ANTXR1: variants seen among roughly 807,000 people sequenced by gnomAD.
The protein encoded by ANTXR1 is anthrax toxin receptor 1.
A neutral mutation model predicts 78.1 loss-of-function variants in ANTXR1; 19 were observed. The ratio of observed to expected loss-of-function variants is 0.24; its 90% CI spans 0.17 to 0.36. The LOEUF (loss-of-function observed/expected upper bound fraction) is 0.36, where lower values mean the gene tolerates loss of function less well. Ranked by LOEUF, ANTXR1 falls within the 10% of genes least tolerant of loss-of-function variation. The probability of loss-of-function intolerance (pLI) is 1.00; values close to 1 mark genes in which losing one functional copy is unlikely to be tolerated. For missense variants in ANTXR1, 518 were observed against 718.6 expected, an observed-to-expected ratio of 0.72 and a Z score of 3.19; for synonymous variants, 273 against 260.5, an observed-to-expected ratio of 1.05 and a Z score of -0.46.
At chr2:69,212,185 A>G (rs1426629487) in intron 17 of ANTXR1, among the ~76,000 whole-genome samples, 1 of 152,228 alleles carries the variant, frequency 6.6e-6, no homozygotes, top group Non-Finnish European at 1.5e-5. Flanking sequence ...GAGATAAAAG[A>G]GGAGAATCAC....
chr2:69,083,721 C>A (rs1670963409), intron 8 of ANTXR1, among the ~76,000 whole-genome samples: 1 of 152,200 alleles, frequency 6.6e-6, no homozygotes, highest in Admixed American at 6.5e-5. Context: ...AGAGGGCAGT[C>A]TGTGGCTCCG....
At chr2:69,224,446 G>T (rs1448384088) in intron 17 of ANTXR1, among the ~76,000 whole-genome samples, 1 of 152,190 alleles carries the variant, frequency 6.6e-6, no homozygotes, top group Non-Finnish European at 1.5e-5. Flanking sequence ...ATGTCCTGCT[G>T]CTGCTCTTCA....
At chr2:69,104,001 C>A (rs11693314) in intron 10 of ANTXR1, among the ~76,000 whole-genome samples, 1 of 148,960 alleles carries the variant, frequency 6.7e-6, no homozygotes, top group Non-Finnish European at 1.5e-5. Context: ...TACAATGGCA[C>A]GATCTCAGCT....
intron 14 of ANTXR1, among the ~76,000 whole-genome samples, chr2:69,176,171 T>TAAA (rs5831965): frequency 7.2e-6 from 1 of 139,292 alleles, no homozygotes; most frequent in East Asian, 2.0e-4. Context: ...TTTAATACTT[T>TAAA]AAAAAAAAAA....
chr2:69,173,766 G>A lies in ANTXR1; in HGVS notation c.1089+3477G>A, dbSNP rs1387612597. On this transcript the variant is annotated intron_variant, in intron 14 of 17. Coordinates refer to ENST00000303714, the MANE Select transcript of ANTXR1 (RefSeq NM_032208.3). Reference sequence around the variant, plus strand: ...TAGCAGGAAGCCCCATGACTGAATGGAAAGTGGGTTATGGCTTAGCCCCAA... The same window carrying A: ...TAGCAGGAAGCCCCATGACTGAATGAAAAGTGGGTTATGGCTTAGCCCCAA... Among the ~76,000 whole-genome samples, 24 of 152,182 alleles carry A rather than the reference G, an allele frequency of 1.6e-4. 1 individual carries two copies. Among genetic ancestry groups the A allele is most frequent in the Admixed American group, 1.6e-3 (24 of 15,280 alleles).
Position 69,183,746 on chromosome 2 carries a change from A to T in ANTXR1, c.1353+1086A>T, listed in dbSNP as rs377103658. On this transcript the variant is annotated intron_variant, in intron 16 of 17. Coordinates refer to ENST00000303714, the MANE Select transcript of ANTXR1 (RefSeq NM_032208.3). ...CCTCTTTTCTATTCTTCTTGGTCCA[A>T]ATGGCTTTGAATTCACATGATTCAG... 1.4e-4 allele frequency among the ~76,000 whole-genome samples: 21 copies of T among 151,924 alleles called. 1 individual carries two copies. Among genetic ancestry groups the T allele is most frequent in the African/African-American group, 4.8e-4 (20 of 41,436 alleles).
At chr2:69,229,353 T>C (rs1025307637) in intron 17 of ANTXR1, among the ~76,000 whole-genome samples, 4 of 152,212 alleles carry the variant, frequency 2.6e-5, no homozygotes, top group African/African-American at 9.6e-5. Flanking sequence ...CATTCCTCGA[T>C]TGGTGCAAAA....
At position 69,248,141 on chromosome 2, in the gene ANTXR1, CAT is replaced by C. The variant is rs58786516; in HGVS notation, c.*2657_*2658del. On this transcript the variant is annotated 3_prime_UTR_variant, in exon 18 of 18. Coordinates refer to ENST00000303714, the MANE Select transcript of ANTXR1 (RefSeq NM_032208.3). The stretch of plus-strand genomic sequence containing the variant: ...GTCATTCCCTGTAAAAGGCAGGAGA[CAT>C]GTGATTATGATCAGGAAACTGCACA... 16,114 of 166,964 alleles carry C rather than the reference CAT, an allele frequency of 0.097. 997 individuals are homozygous for C. Among genetic ancestry groups the C allele is most frequent in the Non-Finnish European group, 0.14 (9,517 of 68,072 alleles). 10.3% of individuals were successfully genotyped at this position (166,964 alleles called of 1,614,324 possible).
intron 14 of ANTXR1, among the ~76,000 whole-genome samples, chr2:69,173,915 A>C (rs763056547): frequency 6.6e-6 from 1 of 152,140 alleles, no homozygotes. Flanking sequence ...AACACCTGCC[A>C]TTTTCTTCCT....
chr2:69,082,014 G>A (rs759196436), intron 8 of ANTXR1, among the ~76,000 whole-genome samples: 12 of 152,216 alleles, frequency 7.9e-5, no homozygotes, highest in Non-Finnish European at 1.3e-4. Context: ...TAATGCCCAC[G>A]ATGTGAATGC....
intron 3 of ANTXR1, among the ~76,000 whole-genome samples, chr2:69,058,876 G>A (rs1403015164): frequency 6.6e-6 from 1 of 152,208 alleles, no homozygotes; most frequent in Non-Finnish European, 1.5e-5. Flanking sequence ...CAACTTAGAA[G>A]AAGTTGATTC....
At chr2:69,221,051 A>G (rs919513352) in intron 17 of ANTXR1, among the ~76,000 whole-genome samples, 8 of 152,230 alleles carry the variant, frequency 5.3e-5, no homozygotes, top group African/African-American at 1.9e-4. Flanking sequence ...ATTCATTTAT[A>G]GATTGAGAAG....
intron 13 of ANTXR1, 97 bp from the exon 14 acceptor site, chr2:69,170,150 AT>A: frequency 7.3e-7 from 1 of 1,365,544 alleles, no homozygotes; most frequent in Non-Finnish European, 1.0e-6. Flanking sequence ...TGCCATGGTA[AT>A]TATGGCAGCA....
At chr2:69,040,829 C>G (rs1287271230) in intron 2 of ANTXR1, among the ~76,000 whole-genome samples, 1 of 152,176 alleles carries the variant, frequency 6.6e-6, no homozygotes, top group Middle Eastern at 3.2e-3. Flanking sequence ...TAAAATTGGT[C>G]TGATCATCGT....
chr2:69,130,749 A>G (rs945888040), intron 12 of ANTXR1, among the ~76,000 whole-genome samples: 3 of 152,184 alleles, frequency 2.0e-5, no homozygotes, highest in Non-Finnish European at 4.4e-5. Flanking sequence ...CATTAGATTC[A>G]CTGTACATGT....
intron 3 of ANTXR1, among the ~76,000 whole-genome samples, chr2:69,053,132 T>C (rs1261423035): frequency 6.6e-6 from 1 of 152,208 alleles, no homozygotes; most frequent in Non-Finnish European, 1.5e-5. Context: ...ATTGGTCCTC[T>C]TCTTCCCAAC....
chr2:69,149,116 C>T (rs986935987), intron 12 of ANTXR1, among the ~76,000 whole-genome samples: 4 of 152,172 alleles, frequency 2.6e-5, no homozygotes. Context: ...ACAGACAGTG[C>T]ATTCGGGGGC....
At chr2:69,056,140 C>T (rs1670059786) in intron 3 of ANTXR1, among the ~76,000 whole-genome samples, 1 of 152,158 alleles carries the variant, frequency 6.6e-6, no homozygotes, top group Non-Finnish European at 1.5e-5. Context: ...TGGATGGAGA[C>T]AGCAAGGTAA....
intron 9 of ANTXR1, among the ~76,000 whole-genome samples, chr2:69,095,105 A>T (rs1558539286): frequency 6.6e-6 from 1 of 152,244 alleles, no homozygotes; most frequent in East Asian, 1.9e-4. Flanking sequence ...TGACAAAGGC[A>T]TGTCCATAGG....
Sources: gnomAD v4.1 joint callset for allele counts (sites outside exome capture counted in the v4.1 genomes callset) on GRCh38, gnomAD v4.1.1 for gene constraint, MANE v1.5 for transcripts, NCBI Gene and HGNC (gene_info 2026-07-23, HGNC 2026-07-21) for gene names.